Variants in TAFA4 observed in about 807,000 individuals in gnomAD.
TAFA4 encodes chemokine-like protein TAFA-4.
TAFA4 carries 20 observed loss-of-function variants against 21.1 expected under a neutral mutation model. The observed-to-expected ratio is 0.95, with a 90% CI of 0.67 to 1.38. The LOEUF (loss-of-function observed/expected upper bound fraction) is 1.38. Ranked by LOEUF, TAFA4 falls within the 40% of genes most tolerant of loss-of-function variation. TAFA4 has a pLI of 0.00. For synonymous variants in TAFA4, 71 were observed against 67.4 expected (o/e 1.05, Z -0.26); for missense variants, 211 against 180.9 (o/e 1.17, Z -0.95).
intron 3 of TAFA4, among the ~76,000 whole-genome samples, chr3:68,851,545 A>T (rs1704950507): frequency 6.6e-6 from 1 of 152,146 alleles, no homozygotes; most frequent in Non-Finnish European, 1.5e-5. Flanking sequence ...GTGACCGTAG[A>T]AACTGGGTGA....
At chr3:68,745,681 TTATTTTG>T (rs1702444702) in intron 4 of TAFA4, among the ~76,000 whole-genome samples, 2 of 152,244 alleles carry the variant, frequency 1.3e-5, no homozygotes, top group South Asian at 4.1e-4. Flanking sequence ...AAAATGAGTT[TTATTTTG>T]TATTCTTTTC....
chr3:68,743,016 C>G (rs113358596), intron 4 of TAFA4, among the ~76,000 whole-genome samples: 3,576 of 152,258 alleles, frequency 0.023, 106 homozygotes, highest in African/African-American at 0.064. Context: ...TCATTATCCA[C>G]TGAAGGGGCC....
intron 3 of TAFA4, among the ~76,000 whole-genome samples, chr3:68,763,128 A>C (rs921392579): frequency 2.0e-5 from 3 of 152,244 alleles, no homozygotes; most frequent in Non-Finnish European, 2.9e-5. Flanking sequence ...ATTTAGGTCA[A>C]CAATTGAAGA....
chr3:68,849,855 A>G (rs1364518181), intron 3 of TAFA4, among the ~76,000 whole-genome samples: 1 of 152,196 alleles, frequency 6.6e-6, no homozygotes, highest in Non-Finnish European at 1.5e-5. Context: ...ACAGCCCTCA[A>G]CAGGTTCCTC....
At position 68,916,671 on chromosome 3, in the gene TAFA4, C is replaced by T. The variant is rs202219059; in HGVS notation, c.-123+15569G>A. Reference sequence around the variant, plus strand: ...GCAAAAATTAAGCCTAGTGGTAGAACGGTCAAGGCAGGTACTTCAGCACCA... The same window carrying T: ...GCAAAAATTAAGCCTAGTGGTAGAATGGTCAAGGCAGGTACTTCAGCACCA... On this transcript the variant is annotated intron_variant, in intron 1 of 5. Transcript: ENST00000295569. Among the ~76,000 whole-genome samples, 7 of 152,270 alleles carry T rather than the reference C, an allele frequency of 4.6e-5. No individual in the cohort carries two copies. In the East Asian group the frequency reaches 5.8e-4, roughly 13 times the overall value.
chr3:68,796,639 T>C (rs1703458688), intron 3 of TAFA4, among the ~76,000 whole-genome samples: 1 of 152,184 alleles, frequency 6.6e-6, no homozygotes, highest in Non-Finnish European at 1.5e-5. Context: ...TAAATTGAAC[T>C]ACATCAAAGT....
chr3:68,829,842 T>C (rs1409476924), intron 3 of TAFA4, among the ~76,000 whole-genome samples: 2 of 152,204 alleles, frequency 1.3e-5, no homozygotes, highest in African/African-American at 4.8e-5. Context: ...TGGTAGGGTA[T>C]TAATTATTGC....
intron 1 of TAFA4, among the ~76,000 whole-genome samples, chr3:68,885,740 G>A (rs1194220021): frequency 1.3e-5 from 2 of 152,142 alleles, no homozygotes; most frequent in African/African-American, 4.8e-5. Flanking sequence ...TGAATTCCTG[G>A]ATTTGTGTGA....
chr3:68,922,149 T>A (rs2090066040), intron 1 of TAFA4, among the ~76,000 whole-genome samples: 1 of 152,200 alleles, frequency 6.6e-6, no homozygotes, highest in Admixed American at 6.5e-5. Context: ...TGTATTAAAA[T>A]TTTTAAACTC....
intron 3 of TAFA4, among the ~76,000 whole-genome samples, chr3:68,874,783 T>TACAC (rs10574878): frequency 0.01 from 1,532 of 149,628 alleles, 31 homozygotes; most frequent in African/African-American, 0.035. Flanking sequence ...ACCCTTTCTT[T>TACAC]ACACACACAC....
chr3:68,818,582 T>G (rs916181740), intron 3 of TAFA4, among the ~76,000 whole-genome samples: 4 of 152,196 alleles, frequency 2.6e-5, no homozygotes, highest in African/African-American at 9.7e-5. Flanking sequence ...GACTCTTCCT[T>G]TCACTTGAAG....
At chr3:68,817,238 C>G (rs1339589340) in intron 3 of TAFA4, among the ~76,000 whole-genome samples, 1 of 152,328 alleles carries the variant, frequency 6.6e-6, no homozygotes, top group East Asian at 1.9e-4. Flanking sequence ...CAGGAAACTA[C>G]TTTCTTTGTT....
chr3:68,899,157 C>G (rs1476685367), intron 1 of TAFA4, among the ~76,000 whole-genome samples: 1 of 152,044 alleles, frequency 6.6e-6, no homozygotes, highest in Non-Finnish European at 1.5e-5. Context: ...AATGAAATAC[C>G]TTTAAAATAT....
intron 3 of TAFA4, among the ~76,000 whole-genome samples, chr3:68,783,740 AG>A (rs1343112417): frequency 0.089 from 10,744 of 120,926 alleles, 655 homozygotes; most frequent in Non-Finnish European, 0.14. Flanking sequence ...AAAGAAAGAA[AG>A]AAAGTAAGAA....
At chr3:68,883,736 C>G (rs1324847292) in intron 2 of TAFA4, among the ~76,000 whole-genome samples, 2 of 152,028 alleles carry the variant, frequency 1.3e-5, no homozygotes, top group Non-Finnish European at 2.9e-5. Flanking sequence ...AAGAAATAAC[C>G]AGCAACGTAT....
chr3:68,807,220 T>A (rs1703720218), intron 3 of TAFA4, among the ~76,000 whole-genome samples: 1 of 152,174 alleles, frequency 6.6e-6, no homozygotes, highest in African/African-American at 2.4e-5. Context: ...CCTCACCATG[T>A]TGGGTTTATC....
At chr3:68,795,418 C>A (rs79102323) in intron 3 of TAFA4, among the ~76,000 whole-genome samples, 2 of 152,076 alleles carry the variant, frequency 1.3e-5, no homozygotes, top group Admixed American at 6.6e-5. Flanking sequence ...ATCATATGAC[C>A]CCAACCTAAG....
chr3:68,758,874 C>G (rs1036726007), intron 3 of TAFA4, among the ~76,000 whole-genome samples: 6 of 152,150 alleles, frequency 3.9e-5, no homozygotes, highest in African/African-American at 9.7e-5. Flanking sequence ...ATAGGACCAA[C>G]TGGATGTATA....
rs192376882 is a variant in TAFA4 at position 68,820,751 on chromosome 3, G to C, written c.130+59979C>G. ...GGTAAATATGTGAGGGAATACCTAT[G>C]TTACATAGCTTGATTTAGCCTCTCC... On this transcript the variant is annotated intron_variant, in intron 3 of 5. Transcript: ENST00000295569. Among the ~76,000 whole-genome samples, 755 of 152,284 alleles carry C rather than the reference G, an allele frequency of 5.0e-3. 11 individuals carry two copies. The highest frequency in any genetic ancestry group is 0.01 in the Middle Eastern group (3 of 294).
Sources: allele counts gnomAD v4.1 joint callset (sites outside exome capture counted in the v4.1 genomes callset), GRCh38; gene constraint gnomAD v4.1.1; transcripts MANE v1.5; gene names NCBI Gene and HGNC (gene_info 2026-07-23, HGNC 2026-07-21).